The following HYAL4 variants were observed in gnomAD, a reference collection of about 807,000 sequenced individuals.
HYAL4 encodes hyaluronidase-4.
HYAL4 carries 37 observed loss-of-function variants against 35.2 expected under a neutral mutation model. That is an observed-to-expected ratio of 1.05 (90% CI 0.81 to 1.38). The LOEUF is 1.38. Ranked by LOEUF, HYAL4 falls within the 40% of genes most tolerant of loss-of-function variation. The probability of loss-of-function intolerance (pLI) is 0.00; values close to 1 mark genes in which losing one functional copy is unlikely to be tolerated. For missense variants in HYAL4, 572 were observed against 572.4 expected, an observed-to-expected ratio of 1.00 and a Z score of 0.01; for synonymous variants, 198 against 203.2, an observed-to-expected ratio of 0.97 and a Z score of 0.22.
the HYAL4 span, among the ~76,000 whole-genome samples, chr7:123,805,452 A>C: frequency 6.6e-6 from 1 of 152,136 alleles, no homozygotes; most frequent in Non-Finnish European, 1.5e-5. Flanking sequence ...GTAAAATGTG[A>C]AGGGGGAAGT....
chr7:123,846,576 G>T (rs1473660137), intron 1 of HYAL4, among the ~76,000 whole-genome samples: 1 of 152,098 alleles, frequency 6.6e-6, no homozygotes, highest in Admixed American at 6.5e-5. Context: ...CAGCCTCCTA[G>T]CTGTGAAAGC....
At chr7:123,806,545 G>A in the HYAL4 span, among the ~76,000 whole-genome samples, 1 of 151,998 alleles carries the variant, frequency 6.6e-6, no homozygotes, top group Admixed American at 6.6e-5. Flanking sequence ...ACAGGTTCAA[G>A]CGATTCTCCT....
the HYAL4 span, among the ~76,000 whole-genome samples, chr7:123,781,796 T>C: frequency 3.7e-4 from 56 of 152,388 alleles, no homozygotes; most frequent in African/African-American, 1.3e-3. Context: ...CTACCTGTTA[T>C]TAAACAAAGT....
chr7:123,830,158 T>C (rs781535629), intron 1 of HYAL4, among the ~76,000 whole-genome samples: 1 of 152,228 alleles, frequency 6.6e-6, no homozygotes, highest in Non-Finnish European at 1.5e-5. Flanking sequence ...TCAGGTTTTG[T>C]CGTAGTTTAT....
At chr7:123,853,115 A>C (rs1311309671) in intron 2 of HYAL4, among the ~76,000 whole-genome samples, 1 of 152,174 alleles carries the variant, frequency 6.6e-6, no homozygotes, top group African/African-American at 2.4e-5. Flanking sequence ...TAAGTTGCTT[A>C]TCAGCTTAAG....
chr7:123,855,735 A>G (rs1054691882), intron 2 of HYAL4, among the ~76,000 whole-genome samples: 1 of 151,864 alleles, frequency 6.6e-6, no homozygotes, highest in East Asian at 1.9e-4. Context: ...CTGAATTTGA[A>G]TGTTGGCCTG....
chr7:123,769,635 T>TG, the HYAL4 span, among the ~76,000 whole-genome samples: 3 of 152,112 alleles, frequency 2.0e-5, no homozygotes, highest in African/African-American at 7.2e-5. Flanking sequence ...CCTTCCAGCA[T>TG]GGGGGAAACA....
At chr7:123,842,262 G>C (rs1338668751), upstream of HYAL4, among the ~76,000 whole-genome samples, 1 of 152,030 alleles carries the variant, frequency 6.6e-6, no homozygotes, top group African/African-American at 2.4e-5. Flanking sequence ...TCACCCAGTA[G>C]TCATTTAGGA....
rs1044919052 is a variant in HYAL4, at chr7:123,851,869, C to T, written c.-52+3711C>T. On this transcript the variant is annotated intron_variant, in intron 2 of 4. Coordinates refer to ENST00000223026, the MANE Select transcript of HYAL4 (RefSeq NM_012269.3). ...TACATTCCCACCAACAGTGTAAAAG[C>T]GTTCCTATTTCTCCACATTCTCTGA... Among the ~76,000 whole-genome samples the T allele has an allele frequency of 9.2e-5, 14 of 152,154 alleles. 1 individual carries two copies. The South Asian group carries it at 1.0e-3, about 11-fold the overall frequency.
At chr7:123,802,101 T>C in the HYAL4 span, among the ~76,000 whole-genome samples, 3 of 152,206 alleles carry the variant, frequency 2.0e-5, no homozygotes, top group African/African-American at 7.2e-5. Flanking sequence ...TCTCCAAGTA[T>C]GACTGTTGCC....
the HYAL4 span, among the ~76,000 whole-genome samples, chr7:123,822,647 G>C: frequency 2.0e-5 from 3 of 152,234 alleles, no homozygotes; most frequent in African/African-American, 7.2e-5. Context: ...AGGACTTCTA[G>C]TACTACGTTG....
the HYAL4 span, among the ~76,000 whole-genome samples, chr7:123,811,528 G>A: frequency 6.6e-6 from 1 of 152,082 alleles, no homozygotes; most frequent in African/African-American, 2.4e-5. Flanking sequence ...TAAATCTGTT[G>A]TTCATTTTCT....
chr7:123,801,140 C>T, the HYAL4 span, among the ~76,000 whole-genome samples: 1 of 152,070 alleles, frequency 6.6e-6, no homozygotes. Context: ...CATGGTGAAA[C>T]CCTGTCTCTA....
At chr7:123,806,375 C>A in the HYAL4 span, among the ~76,000 whole-genome samples, 15 of 152,150 alleles carry the variant, frequency 9.9e-5, no homozygotes, top group East Asian at 2.9e-3. Flanking sequence ...TAGTGTAGCT[C>A]ATTCTTGGGA....
the HYAL4 span, among the ~76,000 whole-genome samples, chr7:123,813,785 A>G: frequency 1.3e-5 from 2 of 152,334 alleles, no homozygotes; most frequent in South Asian, 2.1e-4. Context: ...AGGAGATATG[A>G]CAATCCATTC....
chr7:123,775,243 G>T, the HYAL4 span, among the ~76,000 whole-genome samples: 1 of 152,092 alleles, frequency 6.6e-6, no homozygotes, highest in Non-Finnish European at 1.5e-5. Context: ...GACCAGCCTG[G>T]GCAACATTGC....
the HYAL4 span, among the ~76,000 whole-genome samples, chr7:123,769,395 AGCAGGAGTAG>A: frequency 6.6e-6 from 1 of 152,188 alleles, no homozygotes; most frequent in Admixed American, 6.5e-5. Context: ...GGAAGGAGGA[AGCAGGAGTAG>A]GCAGAAGGAA....
chr7:123,782,620 T>C, the HYAL4 span, among the ~76,000 whole-genome samples: 2 of 152,194 alleles, frequency 1.3e-5, no homozygotes, highest in South Asian at 2.1e-4. Context: ...ATTAACTAGC[T>C]CTCCCTTTCA....
intron 3 of HYAL4, among the ~76,000 whole-genome samples, chr7:123,872,604 C>T (rs150606593): frequency 3.3e-5 from 5 of 152,300 alleles, no homozygotes; most frequent in Non-Finnish European, 7.4e-5. Context: ...CACACTGGGA[C>T]CTGGGAGGCT....
Sources: allele counts gnomAD v4.1 joint callset (sites outside exome capture counted in the v4.1 genomes callset), GRCh38; gene constraint gnomAD v4.1.1; transcripts MANE v1.5; gene names NCBI Gene and HGNC (gene_info 2026-07-23, HGNC 2026-07-21).